Variants in OSBPL8 observed in about 807,000 individuals in gnomAD.
OSBPL8 encodes oxysterol binding protein like 8, also known as oxysterol-binding protein-related protein 8.
In OSBPL8, 59 loss-of-function variants were observed where a neutral mutation model predicts 125.5. The observed-to-expected ratio is 0.47, with a 90% CI of 0.38 to 0.58. The LOEUF (loss-of-function observed/expected upper bound fraction) is 0.58. Ranked by LOEUF, OSBPL8 falls within the 20% of genes least tolerant of loss-of-function variation. OSBPL8 has a pLI of 0.00. For synonymous variants in OSBPL8, 330 were observed against 338.9 expected (o/e 0.97, Z 0.29); for missense variants, 758 against 1,047.8 (o/e 0.72, Z 3.82).
intron 14 of OSBPL8, among the ~76,000 whole-genome samples, chr12:76,385,076 A>G (rs1953252609): frequency 6.6e-6 from 1 of 152,188 alleles, no homozygotes; most frequent in South Asian, 2.1e-4. Flanking sequence ...CTTCAACAAT[A>G]TATTTACTTC....
At chr12:76,423,995 T>G (rs1452339999) in intron 4 of OSBPL8, among the ~76,000 whole-genome samples, 1 of 152,070 alleles carries the variant, frequency 6.6e-6, no homozygotes, top group Non-Finnish European at 1.5e-5. Context: ...AAACTCAATT[T>G]CTTTTTTGTT....
chr12:76,496,974 T>C (rs1048419906), intron 1 of OSBPL8, among the ~76,000 whole-genome samples: 1 of 152,178 alleles, frequency 6.6e-6, no homozygotes, highest in Non-Finnish European at 1.5e-5. Context: ...CCACCACGCC[T>C]GGCCCCATCC....
chr12:76,383,309 A>G (rs954883229), intron 15 of OSBPL8, among the ~76,000 whole-genome samples: 1 of 152,000 alleles, frequency 6.6e-6, no homozygotes, highest in African/African-American at 2.4e-5. Context: ...AAGGTGAAGT[A>G]GGTAAGAAAT....
intron 14 of OSBPL8, 118 bp downstream of exon 14, chr12:76,386,050 C>T: frequency 7.1e-7 from 1 of 1,408,258 alleles, no homozygotes; most frequent in South Asian, 1.4e-5. Flanking sequence ...AAATGTTTAC[C>T]AAATGTTCAG....
At chr12:76,427,568 G>A (rs1428688030) in intron 4 of OSBPL8, among the ~76,000 whole-genome samples, 1 of 151,422 alleles carries the variant, frequency 6.6e-6, no homozygotes, top group East Asian at 1.9e-4. Flanking sequence ...AATTTTAATG[G>A]CAACTGTTCC....
At chr12:76,489,033 T>C (rs1001987243) in intron 1 of OSBPL8, among the ~76,000 whole-genome samples, 3 of 152,184 alleles carry the variant, frequency 2.0e-5, no homozygotes, top group African/African-American at 7.2e-5. Flanking sequence ...TACAGCAAGT[T>C]TGAGTGGTCT....
rs369287376 is a variant in OSBPL8, at chr12:76,498,725, C to CTTTTTTT, written c.-67-11114_-67-11108dup. On this transcript the variant is annotated intron_variant, in intron 1 of 23. Coordinates refer to ENST00000261183, the MANE Select transcript of OSBPL8 (RefSeq NM_020841.5). ...CTTAGTGGTAATAAAAGCCTCCCCACTTTTTTTTTTTTTTTTTTTTTTGAG... is the reference window on the plus strand; with the variant it reads ...CTTAGTGGTAATAAAAGCCTCCCCACTTTTTTTTTTTTTTTTTTTTTTTTTTTTTGAG... 1.3e-4 allele frequency among the ~76,000 whole-genome samples: 13 copies of CTTTTTTT among 102,490 alleles called. 1 individual carries two copies. The highest frequency in any genetic ancestry group is 4.3e-4 in the African/African-American group (11 of 25,560). The allele number at this position is 102,490 out of a possible 152,430, so 67.2% of individuals were successfully genotyped here. A position where few individuals can be genotyped will look rare whatever the true frequency, so the allele number is the denominator to read the frequency against.
chr12:76,550,575 A>C (rs1485724444), intron 1 of OSBPL8, among the ~76,000 whole-genome samples: 1 of 152,178 alleles, frequency 6.6e-6, no homozygotes, highest in Non-Finnish European at 1.5e-5. Flanking sequence ...TAACACTAAC[A>C]ATAGCTGATG....
intron 1 of OSBPL8, among the ~76,000 whole-genome samples, chr12:76,507,025 G>A (rs1034329410): frequency 4.7e-5 from 7 of 149,778 alleles, no homozygotes; most frequent in African/African-American, 1.5e-4. Context: ...TTGTAAAAGA[G>A]TATGGCATTT....
intron 1 of OSBPL8, among the ~76,000 whole-genome samples, chr12:76,553,006 A>AGTG (rs1239269765): frequency 1.3e-5 from 2 of 152,320 alleles, no homozygotes. Context: ...AATCATAACA[A>AGTG]TGCACAAAAT....
At chr12:76,519,170 A>C (rs568939466) in intron 1 of OSBPL8, among the ~76,000 whole-genome samples, 32 of 152,308 alleles carry the variant, frequency 2.1e-4, no homozygotes, top group South Asian at 1.4e-3. Context: ...CAGCCAAGCC[A>C]TGTCTTGAAT....
At chr12:76,463,285 G>C (rs1356636547) in intron 2 of OSBPL8, among the ~76,000 whole-genome samples, 1 of 152,088 alleles carries the variant, frequency 6.6e-6, no homozygotes, top group Non-Finnish European at 1.5e-5. Context: ...AAAAAGGCAG[G>C]AACAAAATGA....
intron 9 of OSBPL8, among the ~76,000 whole-genome samples, chr12:76,393,039 A>G (rs557531839): frequency 6.6e-6 from 1 of 152,364 alleles, no homozygotes; most frequent in South Asian, 2.1e-4. Context: ...AACATGCAGT[A>G]TAATTTGAAG....
intron 1 of OSBPL8, among the ~76,000 whole-genome samples, chr12:76,542,242 C>T (rs1015692847): frequency 6.6e-6 from 1 of 152,202 alleles, no homozygotes; most frequent in South Asian, 2.1e-4. Flanking sequence ...TTTAAAGACT[C>T]TCCAGTACTT....
intron 21 of OSBPL8, among the ~76,000 whole-genome samples, chr12:76,368,035 T>G (rs1005659916): frequency 6.6e-6 from 1 of 152,250 alleles, no homozygotes; most frequent in Non-Finnish European, 1.5e-5. Context: ...AAATCTTTAT[T>G]TCTTCATACA....
intron 1 of OSBPL8, among the ~76,000 whole-genome samples, chr12:76,536,359 A>G (rs990871730): frequency 6.6e-6 from 1 of 151,824 alleles, no homozygotes; most frequent in African/African-American, 2.4e-5. Flanking sequence ...ATTAAATACT[A>G]AAAATACCAA....
chr12:76,410,150 T>C (rs1227451146), intron 5 of OSBPL8, among the ~76,000 whole-genome samples: 1 of 152,176 alleles, frequency 6.6e-6, no homozygotes, highest in Non-Finnish European at 1.5e-5. Context: ...TGTCTGTCAA[T>C]AGTAGGCAAT....
At chr12:76,384,407 A>G (rs2136262310) in intron 14 of OSBPL8, 57 bp from the exon 15 acceptor site, 1 of 969,362 alleles carries the variant, frequency 1.0e-6, no homozygotes, top group African/African-American at 1.6e-5. Flanking sequence ...TTTATATAAA[A>G]TATAAAAAGA....
intron 21 of OSBPL8, chr12:76,366,602 C>CT: frequency 2.2e-6 from 1 of 447,558 alleles, no homozygotes; most frequent in South Asian, 1.6e-5. Flanking sequence ...GTTTTTTCTT[C>CT]TTTTTCCAGT....
Sources: allele counts gnomAD v4.1 joint callset (sites outside exome capture counted in the v4.1 genomes callset), GRCh38; gene constraint gnomAD v4.1.1; transcripts MANE v1.5; gene names NCBI Gene and HGNC (gene_info 2026-07-23, HGNC 2026-07-21).